Variants in RGMB observed in about 807,000 individuals in gnomAD.
RGMB encodes the protein repulsive guidance molecule BMP co-receptor b, also known as repulsive guidance molecule B.
A neutral mutation model predicts 26.9 loss-of-function variants in RGMB; 16 were observed. That is an observed-to-expected ratio of 0.60 (90% confidence interval 0.40 to 0.90). The LOEUF (loss-of-function observed/expected upper bound fraction) is 0.90. Among genes scored for constraint, RGMB ranks in the 40% least tolerant of loss-of-function variants. RGMB has a pLI of 0.00. For missense variants in RGMB, 512 were observed against 573.3 expected (o/e 0.89, Z 1.09); for synonymous variants, 225 against 229.3 (o/e 0.98, Z 0.17).
chr5:98,781,159 A>C (rs1454537118), intron 2 of RGMB: 2 of 152,240 alleles, frequency 1.3e-5, no homozygotes, highest in African/African-American at 4.8e-5. Flanking sequence ...ATACTTTTTA[A>C]ATAAATTAAA....
chr5:98,776,350 C>A (rs139304857), intron 1 of RGMB, among the ~76,000 whole-genome samples: 1 of 152,078 alleles, frequency 6.6e-6, no homozygotes, highest in Non-Finnish European at 1.5e-5. Flanking sequence ...GAAAAGAGTA[C>A]CTTTAGTTGC....
upstream of RGMB, chr5:98,770,800 T>G (rs544754920): frequency 5.6e-5 from 31 of 557,292 alleles, no homozygotes; most frequent in African/African-American, 5.7e-4. Flanking sequence ...ACTCTTGCTC[T>G]GAAAAAAAAA....
At chr5:98,790,576 G>A (rs1436065348) in intron 2 of RGMB, among the ~76,000 whole-genome samples, 3 of 152,164 alleles carry the variant, frequency 2.0e-5, no homozygotes, top group Non-Finnish European at 4.4e-5. Flanking sequence ...TGGAATTGGT[G>A]TGCTTAATGA....
chr5:98,787,418 A>T (rs1168784710), intron 2 of RGMB, among the ~76,000 whole-genome samples: 1 of 152,184 alleles, frequency 6.6e-6, no homozygotes, highest in Non-Finnish European at 1.5e-5. Context: ...CTCTACCAGG[A>T]GAGGGAATGC....
intron 2 of RGMB, among the ~76,000 whole-genome samples, chr5:98,782,310 C>T (rs1302933240): frequency 6.6e-6 from 1 of 152,148 alleles, no homozygotes; most frequent in African/African-American, 2.4e-5. Context: ...GTTCCTTTTA[C>T]CCAGCCAGGA....
At chr5:98,781,115 A>C (rs999123889) in intron 2 of RGMB, 1 of 152,212 alleles carries the variant, frequency 6.6e-6, no homozygotes, top group African/African-American at 2.4e-5. Flanking sequence ...TCTTGATTCC[A>C]GGACACCCTC....
At chr5:98,773,633 CTG>C (rs981448914), upstream of RGMB, 119 of 302,592 alleles carry the variant, frequency 3.9e-4, no homozygotes, top group Admixed American at 1.2e-3. Flanking sequence ...CAGTGCGGGA[CTG>C]AGATTGATCG....
rs778690857 is a variant in RGMB, at chr5:98,794,943, G to A, written c.*1190G>A. The A allele has an allele frequency of 7.9e-5, 12 of 152,264 alleles. No homozygotes were observed. Among genetic ancestry groups the A allele is most frequent in the South Asian group, 2.1e-4 (1 of 4,826 alleles). 9.4% of individuals were successfully genotyped at this position (152,264 alleles called of 1,614,324 possible). ...GCCTGACTCGGTGTGCGGCCACTTC[G>A]GCACTGCTTAATCCAGATATTCTTG... On this transcript the variant is annotated 3_prime_UTR_variant, in exon 3 of 3. Coordinates refer to ENST00000513185, the MANE Select transcript of RGMB (RefSeq NM_001366508.1).
intron 2 of RGMB, chr5:98,780,724 T>C (rs547589508): frequency 6.6e-6 from 1 of 152,288 alleles, no homozygotes; most frequent in African/African-American, 2.4e-5. Flanking sequence ...AGAGAAACAC[T>C]GACAAAATTT....
chr5:98,788,833 A>C (rs1746840434), intron 2 of RGMB, among the ~76,000 whole-genome samples: 1 of 152,206 alleles, frequency 6.6e-6, no homozygotes, highest in Non-Finnish European at 1.5e-5. Context: ...TTTTTTAGGA[A>C]TGGAGAGAGA....
At chr5:98,776,218 T>A (rs1431804531) in intron 1 of RGMB, among the ~76,000 whole-genome samples, 2 of 152,222 alleles carry the variant, frequency 1.3e-5, no homozygotes, top group Non-Finnish European at 2.9e-5. Context: ...CACAAATGCT[T>A]TAGCATGTTC....
intron 1 of RGMB, among the ~76,000 whole-genome samples, chr5:98,776,448 C>A (rs1746404474): frequency 6.6e-6 from 1 of 152,218 alleles, no homozygotes; most frequent in East Asian, 1.9e-4. Flanking sequence ...TCATACACTT[C>A]ATGGCCTTCT....
At chr5:98,786,493 G>A (rs1746770658) in intron 2 of RGMB, among the ~76,000 whole-genome samples, 1 of 152,230 alleles carries the variant, frequency 6.6e-6, no homozygotes, top group African/African-American at 2.4e-5. Context: ...TGAGAAGGAA[G>A]CATTGGATGT....
At position 98,795,359 on chromosome 5, in the gene RGMB, C is replaced by A. The variant is rs1458573142; in HGVS notation, c.*1606C>A. The stretch of plus-strand genomic sequence containing the variant: ...TTAGTTTTAGTTCTCCAGGTAGTTA[C>A]TTTTGCCATGTCCTATTGATCAGTG... On this transcript the variant is annotated 3_prime_UTR_variant, in exon 3 of 3. Transcript: ENST00000513185. 3 of 152,230 alleles carry A rather than the reference C, an allele frequency of 2.0e-5. No individual in the cohort carries two copies. The East Asian group carries it at 5.8e-4, about 29-fold the overall frequency. 9.4% of individuals were successfully genotyped at this position (152,230 alleles called of 1,614,324 possible).
intron 2 of RGMB, among the ~76,000 whole-genome samples, chr5:98,784,755 A>C (rs1746718973): frequency 6.6e-6 from 1 of 152,226 alleles, no homozygotes; most frequent in Admixed American, 6.5e-5. Flanking sequence ...CTTTATGGAA[A>C]CCATGTGAGC....
chr5:98,779,464 G>A, intron 1 of RGMB, 116 bp from the exon 2 acceptor site: 1 of 992,818 alleles, frequency 1.0e-6, no homozygotes, highest in East Asian at 2.6e-5. Flanking sequence ...TCTTAAAATA[G>A]GAGTACAGTG....
At chr5:98,777,781 C>T (rs184932862) in intron 1 of RGMB, among the ~76,000 whole-genome samples, 7 of 152,232 alleles carry the variant, frequency 4.6e-5, no homozygotes, top group African/African-American at 1.4e-4. Context: ...TTGGAATGAG[C>T]AAACATAAAG....
intron 2 of RGMB, among the ~76,000 whole-genome samples, chr5:98,783,736 C>T (rs1440226470): frequency 6.6e-6 from 1 of 152,096 alleles, no homozygotes; most frequent in Admixed American, 6.6e-5. Context: ...AATGTATTCC[C>T]AATAGCATAT....
At chr5:98,788,324 T>G (rs777177086) in intron 2 of RGMB, among the ~76,000 whole-genome samples, 2 of 152,188 alleles carry the variant, frequency 1.3e-5, no homozygotes, top group East Asian at 3.9e-4. Context: ...CCTGTAGATA[T>G]TTGTTTTATA....
Sources: allele counts gnomAD v4.1 joint callset (sites outside exome capture counted in the v4.1 genomes callset), GRCh38; gene constraint gnomAD v4.1.1; transcripts MANE v1.5; gene names NCBI Gene and HGNC (gene_info 2026-07-23, HGNC 2026-07-21).